The following ADAMTS19 variants were observed in gnomAD, a reference collection of about 807,000 sequenced individuals.
ADAMTS19 encodes A disintegrin and metalloproteinase with thrombospondin motifs 19.
Under a neutral mutation model 153.3 loss-of-function variants are expected in ADAMTS19, and 93 were observed. The observed-to-expected ratio is 0.61, with a 90% CI of 0.51 to 0.72. The LOEUF is 0.72. Among genes scored for constraint, ADAMTS19 ranks in the 30% least tolerant of loss-of-function variants. The pLI is 0.00. For synonymous variants in ADAMTS19, 600 were observed against 556.6 expected (o/e 1.08, Z -1.10); for missense variants, 1,482 against 1,552.1 (o/e 0.95, Z 0.76).
intron 16 of ADAMTS19, among the ~76,000 whole-genome samples, chr5:129,673,822 T>C (rs974741025): frequency 2.0e-5 from 3 of 152,232 alleles, no homozygotes; most frequent in Admixed American, 2.0e-4. Flanking sequence ...ACTCAACAAA[T>C]GTTATGTCAT....
At chr5:129,579,560 T>A (rs940244789) in intron 7 of ADAMTS19, among the ~76,000 whole-genome samples, 6 of 152,222 alleles carry the variant, frequency 3.9e-5, no homozygotes, top group Non-Finnish European at 1.5e-5. Flanking sequence ...TCTAGGATTT[T>A]TATCATTTTA....
intron 6 of ADAMTS19, among the ~76,000 whole-genome samples, chr5:129,551,516 C>T (rs544296859): frequency 6.6e-6 from 1 of 151,544 alleles, no homozygotes; most frequent in Non-Finnish European, 1.5e-5. Context: ...AAGTAGGTAT[C>T]TTCCAGTAAT....
At chr5:129,475,798 A>C (rs950483195) in intron 2 of ADAMTS19, among the ~76,000 whole-genome samples, 3 of 152,228 alleles carry the variant, frequency 2.0e-5, no homozygotes, top group Non-Finnish European at 2.9e-5. Flanking sequence ...GTACCACTGC[A>C]CTTCAGCCTG....
chr5:129,653,642 T>C (rs1248635660), intron 13 of ADAMTS19, among the ~76,000 whole-genome samples: 4 of 152,202 alleles, frequency 2.6e-5, no homozygotes, highest in Non-Finnish European at 5.9e-5. Context: ...ATGGATGCTC[T>C]CATGGGATGG....
intron 11 of ADAMTS19, among the ~76,000 whole-genome samples, chr5:129,644,490 T>C (rs940732615): frequency 2.0e-5 from 3 of 152,226 alleles, no homozygotes; most frequent in African/African-American, 7.2e-5. Flanking sequence ...TAAGAGTATA[T>C]AATTACATCT....
At chr5:129,531,235 C>A (rs933886756) in intron 6 of ADAMTS19, among the ~76,000 whole-genome samples, 1 of 152,114 alleles carries the variant, frequency 6.6e-6, no homozygotes, top group Non-Finnish European at 1.5e-5. Context: ...ATGAAACAAC[C>A]TTTTCAGGCA....
intron 8 of ADAMTS19, among the ~76,000 whole-genome samples, chr5:129,609,736 G>A (rs960687323): frequency 6.6e-6 from 1 of 152,154 alleles, no homozygotes; most frequent in Non-Finnish European, 1.5e-5. Flanking sequence ...TTGGATGTTG[G>A]AGTGAGTTAG....
intron 3 of ADAMTS19, among the ~76,000 whole-genome samples, chr5:129,509,873 T>C (rs973007792): frequency 1.2e-4 from 18 of 151,928 alleles, no homozygotes; most frequent in African/African-American, 3.6e-4. Context: ...GACTGTTTCA[T>C]GTACTTTCTT....
At chr5:129,529,857 A>G (rs1239307805) in intron 6 of ADAMTS19, among the ~76,000 whole-genome samples, 1 of 152,188 alleles carries the variant, frequency 6.6e-6, no homozygotes, top group Non-Finnish European at 1.5e-5. Context: ...TATGGAGTTC[A>G]GAATTTAAAA....
At chr5:129,659,757 A>T (rs1313017630) in intron 15 of ADAMTS19, among the ~76,000 whole-genome samples, 2 of 151,392 alleles carry the variant, frequency 1.3e-5, no homozygotes, top group African/African-American at 2.4e-5. Flanking sequence ...ATTTTTTTTT[A>T]ATTTTGTTTT....
At chr5:129,588,010 C>T (rs1238308611) in intron 7 of ADAMTS19, among the ~76,000 whole-genome samples, 1 of 152,178 alleles carries the variant, frequency 6.6e-6, no homozygotes, top group Non-Finnish European at 1.5e-5. Flanking sequence ...CTATAGTTCA[C>T]TGATGCCTTT....
intron 2 of ADAMTS19, among the ~76,000 whole-genome samples, chr5:129,476,975 T>C (rs2126662427): frequency 6.6e-6 from 1 of 152,278 alleles, no homozygotes; most frequent in Non-Finnish European, 1.5e-5. Flanking sequence ...TGGAAACACT[T>C]GGCTCAGGAA....
At chr5:129,649,780 A>G (rs1753234537) in intron 13 of ADAMTS19, among the ~76,000 whole-genome samples, 1 of 152,196 alleles carries the variant, frequency 6.6e-6, no homozygotes. Context: ...GAGAAACTGA[A>G]TGAAAGGTAG....
intron 18 of ADAMTS19, among the ~76,000 whole-genome samples, chr5:129,690,850 AACAC>A (rs1379157054): frequency 6.6e-6 from 1 of 152,080 alleles, no homozygotes; most frequent in Non-Finnish European, 1.5e-5. Context: ...GAAATTTACA[AACAC>A]ACACAGGCAT....
intron 16 of ADAMTS19, among the ~76,000 whole-genome samples, chr5:129,668,893 C>A (rs948198736): frequency 6.6e-6 from 1 of 151,996 alleles, no homozygotes; most frequent in African/African-American, 2.4e-5. Flanking sequence ...TTTTAAAATT[C>A]ATGTGAAATT....
chr5:129,708,043 G>C (rs1474084013), intron 21 of ADAMTS19, among the ~76,000 whole-genome samples: 1 of 152,142 alleles, frequency 6.6e-6, no homozygotes, highest in Non-Finnish European at 1.5e-5. Flanking sequence ...CACTGCATTT[G>C]TATCAGCCTA....
chr5:129,665,462 A>C, intron 15 of ADAMTS19, 37 bp from the exon 16 acceptor site: 2 of 1,487,170 alleles, frequency 1.3e-6, no homozygotes, highest in Non-Finnish European at 1.8e-6. Flanking sequence ...TTTTGAAGGA[A>C]CTCAAGATTT....
intron 6 of ADAMTS19, among the ~76,000 whole-genome samples, chr5:129,535,275 C>G (rs192143567): frequency 1.4e-3 from 207 of 152,142 alleles, no homozygotes; most frequent in African/African-American, 4.4e-3. Flanking sequence ...CAATAGCAGA[C>G]AAACAGCCAA....
intron 2 of ADAMTS19, among the ~76,000 whole-genome samples, chr5:129,486,171 C>T (rs1750584971): frequency 6.6e-6 from 1 of 152,096 alleles, no homozygotes; most frequent in South Asian, 2.1e-4. Context: ...CTTTGTCAAA[C>T]ATCTAAGGAA....
Sources: allele counts gnomAD v4.1 joint callset (sites outside exome capture counted in the v4.1 genomes callset), GRCh38; gene constraint gnomAD v4.1.1; transcripts MANE v1.5; gene names NCBI Gene and HGNC (gene_info 2026-07-23, HGNC 2026-07-21).